CSMD1: variants seen among roughly 807,000 people sequenced by gnomAD.
CSMD1 encodes CUB and sushi domain-containing protein 1.
A neutral mutation model predicts 417.5 loss-of-function variants in CSMD1; 213 were observed. The ratio of observed to expected loss-of-function variants is 0.51; its 90% confidence interval spans 0.46 to 0.57. The LOEUF (loss-of-function observed/expected upper bound fraction) is 0.57, where lower values mean the gene tolerates loss of function less well. CSMD1 is among the 20% of genes least tolerant of loss of function. The pLI, the probability that CSMD1 is intolerant of heterozygous loss-of-function variation, is 0.00. For synonymous variants in CSMD1, 2,862 were observed against 1,736.8 expected, an observed-to-expected ratio of 1.65 and a Z score of -16.11; for missense variants, 6,923 against 4,529.7, an observed-to-expected ratio of 1.53 and a Z score of -15.17.
intron 1 of CSMD1, among the ~76,000 whole-genome samples, chr8:4,815,083 G>A (rs1799130349): frequency 6.6e-6 from 1 of 152,070 alleles, no homozygotes. Flanking sequence ...ATCCCGCTGG[G>A]TGACCTAAAT....
chr8:3,976,528 A>G (rs947484347), intron 5 of CSMD1, among the ~76,000 whole-genome samples: 26 of 152,210 alleles, frequency 1.7e-4, no homozygotes, highest in Admixed American at 5.2e-4. Flanking sequence ...GTCAAATATA[A>G]TATCACAAGA....
intron 23 of CSMD1, among the ~76,000 whole-genome samples, chr8:3,329,125 G>T (rs1806726094): frequency 6.6e-6 from 1 of 152,122 alleles, no homozygotes; most frequent in Non-Finnish European, 1.5e-5. Flanking sequence ...TAGAATGGAG[G>T]TGGAAGATAT....
In CSMD1 at chr8:4,136,371, C is replaced by T. The variant is rs1373820877; in HGVS notation, c.416-104272G>A. On this transcript the variant is annotated intron_variant, in intron 3 of 69. Transcript: ENST00000635120. ...TATTCATCGCTGAGCACAAATGAAG[C>T]TGCCTGCCTGCAACTTGACTGGAGG... 3.9e-5 allele frequency among the ~76,000 whole-genome samples: 6 copies of T among 152,238 alleles called. No individual in the cohort carries two copies. The East Asian group carries it at 1.2e-3, about 29-fold the overall frequency.
intron 2 of CSMD1, among the ~76,000 whole-genome samples, chr8:4,582,429 C>T (rs17070688): frequency 0.19 from 28,120 of 151,998 alleles, 2,734 homozygotes; most frequent in East Asian, 0.28. Flanking sequence ...GCCAGAATAA[C>T]GGAGAGAAAG....
chr8:3,823,787 G>T (rs1002952673), intron 5 of CSMD1, among the ~76,000 whole-genome samples: 2 of 152,038 alleles, frequency 1.3e-5, no homozygotes, highest in Non-Finnish European at 2.9e-5. Context: ...GTCTTGGTCA[G>T]TTTAACATAA....
intron 15 of CSMD1, among the ~76,000 whole-genome samples, chr8:3,403,314 C>G (rs1314905697): frequency 3.9e-5 from 6 of 151,914 alleles, no homozygotes; most frequent in African/African-American, 1.2e-4. Flanking sequence ...ATTTTTTTCC[C>G]TACTAGATGC....
intron 3 of CSMD1, among the ~76,000 whole-genome samples, chr8:4,403,960 G>A (rs1804835005): frequency 6.6e-6 from 1 of 151,998 alleles, no homozygotes; most frequent in African/African-American, 2.4e-5. Flanking sequence ...AAAACCTTTG[G>A]CATCACCCCT....
chr8:4,719,020 C>G (rs769729596), intron 1 of CSMD1, among the ~76,000 whole-genome samples: 2 of 151,866 alleles, frequency 1.3e-5, no homozygotes, highest in East Asian at 3.9e-4. Flanking sequence ...AGGAAAACAA[C>G]TGAAGTTTAT....
chr8:4,654,999 G>A (rs186133103), intron 1 of CSMD1, among the ~76,000 whole-genome samples: 6 of 142,062 alleles, frequency 4.2e-5, no homozygotes, highest in South Asian at 2.2e-4. Flanking sequence ...ACCATTGTTT[G>A]AAAATGAGGC....
chr8:3,956,283 C>G (rs1811939793), intron 5 of CSMD1, among the ~76,000 whole-genome samples: 1 of 152,074 alleles, frequency 6.6e-6, no homozygotes. Flanking sequence ...ACAATGAAAC[C>G]ATCACATCAA....
intron 17 of CSMD1, among the ~76,000 whole-genome samples, chr8:3,391,568 C>T (rs1238289556): frequency 1.3e-5 from 2 of 152,258 alleles, no homozygotes; most frequent in South Asian, 2.1e-4. Flanking sequence ...TGGACACTAA[C>T]ATATGAGATG....
chr8:3,518,743 G>A (rs1486076069), intron 10 of CSMD1, among the ~76,000 whole-genome samples: 1 of 152,156 alleles, frequency 6.6e-6, no homozygotes, highest in Admixed American at 6.5e-5. Flanking sequence ...GGAATGTGGA[G>A]AAGAACAGTT....
chr8:3,851,265 G>A (rs1310173712), intron 5 of CSMD1, among the ~76,000 whole-genome samples: 1 of 152,182 alleles, frequency 6.6e-6, no homozygotes, highest in Non-Finnish European at 1.5e-5. Flanking sequence ...GCATATCAGG[G>A]CAACACAAAG....
chr8:3,184,444 T>C (rs779913227), intron 36 of CSMD1, among the ~76,000 whole-genome samples: 17 of 152,186 alleles, frequency 1.1e-4, no homozygotes, highest in Non-Finnish European at 2.2e-4. Context: ...AACGGTGCCA[T>C]GCAAAATATG....
intron 3 of CSMD1, among the ~76,000 whole-genome samples, chr8:4,365,697 G>T (rs531603484): frequency 6.6e-6 from 1 of 152,152 alleles, no homozygotes; most frequent in African/African-American, 2.4e-5. Context: ...CTCTGATCCA[G>T]CCTGAGACTT....
At chr8:4,450,855 G>A (rs984967858) in intron 2 of CSMD1, among the ~76,000 whole-genome samples, 9 of 152,082 alleles carry the variant, frequency 5.9e-5, no homozygotes, top group Non-Finnish European at 1.0e-4. Flanking sequence ...GATGTGAGAG[G>A]AACAATTGTT....
intron 7 of CSMD1, among the ~76,000 whole-genome samples, chr8:3,706,509 T>G (rs2129039054): frequency 6.6e-6 from 1 of 152,306 alleles, no homozygotes; most frequent in African/African-American, 2.4e-5. Flanking sequence ...TTTAATACCG[T>G]TAAAAGAAAG....
chr8:4,023,622 TG>T (rs202160734), intron 4 of CSMD1, among the ~76,000 whole-genome samples: 2,191 of 150,504 alleles, frequency 0.015, 64 homozygotes, highest in African/African-American at 0.052. Flanking sequence ...AGTCTCGCTC[TG>T]TCGCCCAGGC....
intron 49 of CSMD1, among the ~76,000 whole-genome samples, chr8:3,084,379 C>T (rs966023123): frequency 2.0e-5 from 3 of 151,450 alleles, no homozygotes; most frequent in Admixed American, 6.6e-5. Flanking sequence ...AAAAATTAGC[C>T]GGCTATGGTG....
Sources: gnomAD v4.1 joint callset for allele counts (sites outside exome capture counted in the v4.1 genomes callset) on GRCh38, gnomAD v4.1.1 for gene constraint, MANE v1.5 for transcripts, NCBI Gene and HGNC (gene_info 2026-07-23, HGNC 2026-07-21) for gene names.